The following PBX1 variants were observed in gnomAD, a reference collection of about 807,000 sequenced individuals.
PBX1 encodes PBX homeobox 1.
A neutral mutation model predicts 53.4 loss-of-function variants in PBX1; 6 were observed. The observed-to-expected ratio is 0.11, with a 90% CI of 0.06 to 0.22. The LOEUF (loss-of-function observed/expected upper bound fraction) is 0.22. Ranked by LOEUF, PBX1 falls within the 10% of genes least tolerant of loss-of-function variation. The pLI, the probability that PBX1 is intolerant of heterozygous loss-of-function variation, is 1.00. For missense variants in PBX1, 251 were observed against 551.4 expected, an observed-to-expected ratio of 0.46 and a Z score of 5.46; for synonymous variants, 204 against 212.3, an observed-to-expected ratio of 0.96 and a Z score of 0.34.
intron 2 of PBX1, among the ~76,000 whole-genome samples, chr1:164,864,734 G>A (rs1672177924): frequency 6.6e-6 from 1 of 152,198 alleles, no homozygotes; most frequent in African/African-American, 2.4e-5. Context: ...CCCCTTGGCA[G>A]TACCAGTGAC....
chr1:164,784,814 A>G (rs1378906340), intron 2 of PBX1, among the ~76,000 whole-genome samples: 1 of 152,040 alleles, frequency 6.6e-6, no homozygotes. Context: ...TGTTTGACTA[A>G]ATCCTTCAAA....
At chr1:164,832,355 A>G (rs1041167442) in intron 8 of PBX1, among the ~76,000 whole-genome samples, 1 of 152,238 alleles carries the variant, frequency 6.6e-6, no homozygotes, top group Admixed American at 6.5e-5. Context: ...CTTTATTAAA[A>G]TTAAATTTGG....
chr1:164,600,007 T>C (rs1204381187), intron 2 of PBX1, among the ~76,000 whole-genome samples: 2 of 152,194 alleles, frequency 1.3e-5, no homozygotes, highest in Non-Finnish European at 2.9e-5. Context: ...GGGGCAATGC[T>C]AAGACCCAAA....
At chr1:164,603,573 A>G (rs1043670419) in intron 2 of PBX1, among the ~76,000 whole-genome samples, 3 of 152,230 alleles carry the variant, frequency 2.0e-5, no homozygotes, top group Non-Finnish European at 4.4e-5. Context: ...ATTCAATGTA[A>G]TATGTGTTTT....
chr1:164,758,729 A>G (rs575070135), intron 2 of PBX1, among the ~76,000 whole-genome samples: 3 of 150,284 alleles, frequency 2.0e-5, no homozygotes, highest in Non-Finnish European at 4.4e-5. Context: ...TGCTCCTTTC[A>G]TGCTCCTTCC....
Position 164,598,808 on chromosome 1 carries a change from G to A in PBX1, c.265+35497G>A, listed in dbSNP as rs112226343. ...TTGACATTGTGTCATACCTCGGAGCGTATAGCATATTTCATTTATGTGATT... is the reference window on the plus strand; with the variant it reads ...TTGACATTGTGTCATACCTCGGAGCATATAGCATATTTCATTTATGTGATT... On this transcript the variant is annotated intron_variant, in intron 2 of 8. Transcript: ENST00000420696. Among the ~76,000 whole-genome samples the A allele has an allele frequency of 8.0e-3, 1,217 of 152,266 alleles. 23 individuals are homozygous for A. Among genetic ancestry groups the A allele is most frequent in the African/African-American group, 0.028 (1,150 of 41,552 alleles).
At chr1:164,657,829 C>G (rs1459369380) in intron 2 of PBX1, among the ~76,000 whole-genome samples, 2 of 152,192 alleles carry the variant, frequency 1.3e-5, no homozygotes, top group East Asian at 3.8e-4. Context: ...TTATTGACCA[C>G]TACAGTTTAA....
At chr1:164,867,702 G>A (rs1672251560) in intron 2 of PBX1, among the ~76,000 whole-genome samples, 1 of 152,212 alleles carries the variant, frequency 6.6e-6, no homozygotes, top group Non-Finnish European at 1.5e-5. Context: ...GGGAAGCGCG[G>A]GAGGAGTCAG....
chr1:164,844,961 C>T (rs745787815), intron 8 of PBX1, among the ~76,000 whole-genome samples: 2 of 152,166 alleles, frequency 1.3e-5, no homozygotes, highest in African/African-American at 2.4e-5. Flanking sequence ...AGTGACTTGA[C>T]TGGGTTAGGA....
chr1:164,831,153 C>T (rs988837308), intron 8 of PBX1, among the ~76,000 whole-genome samples: 2 of 152,154 alleles, frequency 1.3e-5, no homozygotes, highest in Non-Finnish European at 1.5e-5. Context: ...CTACTGGCTT[C>T]GTCATATTGT....
At chr1:164,657,742 C>T (rs983420554) in intron 2 of PBX1, among the ~76,000 whole-genome samples, 1 of 152,094 alleles carries the variant, frequency 6.6e-6, no homozygotes, top group African/African-American at 2.4e-5. Context: ...GATAGGGTAC[C>T]AGTCAAGGAA....
chr1:164,738,789 A>G (rs1444223851), intron 2 of PBX1, among the ~76,000 whole-genome samples: 1 of 152,210 alleles, frequency 6.6e-6, no homozygotes, highest in Non-Finnish European at 1.5e-5. Flanking sequence ...ATTAATCATT[A>G]GTCAACCTAG....
intron 2 of PBX1, among the ~76,000 whole-genome samples, chr1:164,711,412 C>T (rs138316973): frequency 0.027 from 4,088 of 152,276 alleles, 75 homozygotes; most frequent in Middle Eastern, 0.044. Flanking sequence ...TACAGGCGCC[C>T]GCCACCATGC....
intron 2 of PBX1, among the ~76,000 whole-genome samples, chr1:164,762,956 A>G (rs925991217): frequency 4.6e-5 from 7 of 152,360 alleles, no homozygotes; most frequent in Non-Finnish European, 1.0e-4. Context: ...TAATATTGGT[A>G]TAATAATTTC....
intron 8 of PBX1, among the ~76,000 whole-genome samples, chr1:164,832,710 A>T (rs373124312): frequency 6.6e-6 from 1 of 152,140 alleles, no homozygotes; most frequent in Admixed American, 6.5e-5. Flanking sequence ...GAAAAGTAGG[A>T]AGAAAGAATT....
chr1:164,716,662 G>A (rs111365446), intron 2 of PBX1, among the ~76,000 whole-genome samples: 2,832 of 130,464 alleles, frequency 0.022, 35 homozygotes, highest in Non-Finnish European at 0.032. Flanking sequence ...GACCAGCCTG[G>A]GCAACATGGG....
At position 164,784,990 on chromosome 1, in the gene PBX1, G is replaced by A. The variant is rs139077287; in HGVS notation, c.266-7504G>A. On this transcript the variant is annotated intron_variant, in intron 2 of 8. Coordinates refer to ENST00000420696, the MANE Select transcript of PBX1 (RefSeq NM_002585.4). ...CTGGACCTAGATTAAGTCCCACCTC[G>A]GTGTCTCTGAGATTCTAGAGGGCTG... Among the ~76,000 whole-genome samples, 112 of 152,160 alleles carry A rather than the reference G, an allele frequency of 7.4e-4. No homozygotes were observed. The East Asian group carries it at 0.014, about 19-fold the overall frequency.
chr1:164,641,090 G>T (rs1238897211), intron 2 of PBX1: 1 of 152,894 alleles, frequency 6.5e-6, no homozygotes, highest in Non-Finnish European at 1.5e-5. Flanking sequence ...TGAGCAGAAT[G>T]CTTAAGGCAG....
chr1:164,610,614 C>T (rs1414310283), intron 2 of PBX1, among the ~76,000 whole-genome samples: 1 of 151,900 alleles, frequency 6.6e-6, no homozygotes, highest in African/African-American at 2.4e-5. Context: ...AGCAGAATAC[C>T]AGGAGAGCTA....
Sources: gnomAD v4.1 joint callset for allele counts (sites outside exome capture counted in the v4.1 genomes callset) on GRCh38, gnomAD v4.1.1 for gene constraint, MANE v1.5 for transcripts, NCBI Gene and HGNC (gene_info 2026-07-23, HGNC 2026-07-21) for gene names.